ZBBX: variants seen among roughly 807,000 people sequenced by gnomAD.
The protein encoded by ZBBX is zinc finger B-box domain containing, also known as zinc finger B-box domain-containing protein 1.
Under a neutral mutation model 108.5 loss-of-function variants are expected in ZBBX, and 101 were observed. That is an observed-to-expected ratio of 0.93 (90% CI 0.79 to 1.10). ZBBX has a LOEUF of 1.10. Ranked by LOEUF, ZBBX falls within the 50% of genes least tolerant of loss-of-function variation. The pLI, the probability that ZBBX is intolerant of heterozygous loss-of-function variation, is 0.00. For missense variants in ZBBX, 1,009 were observed against 941.4 expected, an observed-to-expected ratio of 1.07 and a Z score of -0.94; for synonymous variants, 356 against 323.4, an observed-to-expected ratio of 1.10 and a Z score of -1.08.
chr3:167,357,441 G>T (rs1251446777), intron 8 of ZBBX, among the ~76,000 whole-genome samples: 1 of 152,098 alleles, frequency 6.6e-6, no homozygotes, highest in Non-Finnish European at 1.5e-5. Flanking sequence ...GATAGTAGTG[G>T]AGACCCAAGA....
At chr3:167,314,440 C>T (rs575614006) in intron 15 of ZBBX, among the ~76,000 whole-genome samples, 127 of 152,076 alleles carry the variant, frequency 8.4e-4, no homozygotes, top group African/African-American at 2.9e-3. Flanking sequence ...CTTTCAAGCT[C>T]ATTAAAATCT....
chr3:167,230,974 G>A, the ZBBX span, among the ~76,000 whole-genome samples: 1 of 151,700 alleles, frequency 6.6e-6, no homozygotes, highest in Non-Finnish European at 1.5e-5. Context: ...TAGAGTTAAC[G>A]AGACTCACTG....
the ZBBX span, among the ~76,000 whole-genome samples, chr3:167,222,646 T>TTGTA: frequency 6.6e-6 from 1 of 151,964 alleles, no homozygotes; most frequent in South Asian, 2.1e-4. Context: ...GTATTATTCA[T>TTGTA]TGTATGCCTG....
the ZBBX span, among the ~76,000 whole-genome samples, chr3:167,233,098 C>T: frequency 6.6e-6 from 1 of 151,790 alleles, no homozygotes; most frequent in African/African-American, 2.4e-5. Context: ...AAGCCTATGG[C>T]ATACCAGACC....
At chr3:167,396,550 A>C (rs1748240451) in intron 1 of ZBBX, among the ~76,000 whole-genome samples, 1 of 152,056 alleles carries the variant, frequency 6.6e-6, no homozygotes, top group Non-Finnish European at 1.5e-5. Context: ...GCTTATTTTT[A>C]AGTAGCACCA....
intron 9 of ZBBX, among the ~76,000 whole-genome samples, chr3:167,341,439 G>T (rs537551113): frequency 6.6e-6 from 1 of 151,798 alleles, no homozygotes; most frequent in East Asian, 1.9e-4. Context: ...ACATATAAAT[G>T]GAATAGCTGA....
At chr3:167,306,043 T>C (rs763350435) in intron 16 of ZBBX, 93 bp from the exon 17 acceptor site, 3 of 1,064,422 alleles carry the variant, frequency 2.8e-6, no homozygotes, top group Non-Finnish European at 3.9e-6. Context: ...GTAAAAAAAC[T>C]TTCTCAATAA....
chr3:167,402,286 A>G (rs1560217820), intron 1 of ZBBX, among the ~76,000 whole-genome samples: 1 of 152,156 alleles, frequency 6.6e-6, no homozygotes, highest in African/African-American at 2.4e-5. Flanking sequence ...AAGATATTGC[A>G]AGGAATCCCA....
At position 167,331,602 on chromosome 3, in the gene ZBBX, G is replaced by A. The variant is rs911327600; in HGVS notation, c.687+2225C>T. The stretch of plus-strand genomic sequence containing the variant: ...TAGCTGTGGCAGGGTAGAAAAAGCT[G>A]GAGGGTTGTACATTAGCTCTTAAAC... On this transcript the variant is annotated intron_variant, in intron 10 of 21. Transcript: ENST00000675490. 10 of 985,390 alleles carry A rather than the reference G, an allele frequency of 1.0e-5. No individual in the cohort carries two copies. The Admixed American group carries it at 6.1e-4, about 61-fold the overall frequency. The allele number at this position is 985,390 out of a possible 1,614,324, so 61.0% of individuals were successfully genotyped here. A position where few individuals can be genotyped will look rare whatever the true frequency, so the allele number is the denominator to read the frequency against.
the ZBBX span, among the ~76,000 whole-genome samples, chr3:167,232,331 C>T: frequency 5.9e-5 from 9 of 151,758 alleles, no homozygotes; most frequent in African/African-American, 2.2e-4. Context: ...AAACCATTTA[C>T]TCCTAGTGCA....
At chr3:167,358,030 G>T (rs770609051) in intron 8 of ZBBX, among the ~76,000 whole-genome samples, 1 of 152,108 alleles carries the variant, frequency 6.6e-6, no homozygotes, top group East Asian at 1.9e-4. Flanking sequence ...CTGTTGTTGA[G>T]AGGGGAGGGA....
the ZBBX span, among the ~76,000 whole-genome samples, chr3:167,179,626 C>T: frequency 6.6e-6 from 1 of 152,158 alleles, no homozygotes; most frequent in Non-Finnish European, 1.5e-5. Flanking sequence ...AATCAGAAAT[C>T]ACATTAATAG....
intron 21 of ZBBX, 64 bp from the exon 22 acceptor site, chr3:167,240,983 T>G (rs761205531): frequency 5.7e-6 from 9 of 1,571,434 alleles, no homozygotes; most frequent in African/African-American, 1.3e-5. Context: ...TTCATTTATC[T>G]TCTGATCAAT....
At chr3:167,320,207 T>C (rs1736194075) in intron 12 of ZBBX, among the ~76,000 whole-genome samples, 1 of 144,594 alleles carries the variant, frequency 6.9e-6, no homozygotes. Context: ...GCATCTTGAG[T>C]TCCAGAAAAA....
At chr3:167,263,046 T>C (rs1724846404) in intron 20 of ZBBX, among the ~76,000 whole-genome samples, 1 of 147,248 alleles carries the variant, frequency 6.8e-6, no homozygotes, top group Non-Finnish European at 1.5e-5. Flanking sequence ...TTTTTTTTTT[T>C]TTTTTTTTTG....
At chr3:167,367,438 C>T (rs571447094) in intron 5 of ZBBX, among the ~76,000 whole-genome samples, 2 of 151,700 alleles carry the variant, frequency 1.3e-5, no homozygotes, top group East Asian at 1.9e-4. Context: ...GCTATTATAT[C>T]CACACAAAAA....
At chr3:167,315,640 G>T (rs1157343548) in intron 15 of ZBBX, 110 bp downstream of exon 15, 1 of 731,706 alleles carries the variant, frequency 1.4e-6, no homozygotes, top group Non-Finnish European at 2.3e-6. Flanking sequence ...TGACATTAAT[G>T]TCACATGTTT....
At chr3:167,242,407 G>T in intron 21 of ZBBX, 98 bp downstream of exon 21, 1 of 1,048,528 alleles carries the variant, frequency 9.5e-7, no homozygotes, top group Non-Finnish European at 1.4e-6. Flanking sequence ...GTATACACAT[G>T]AGGACAATCT....
rs182957072 is a variant in ZBBX at position 167,354,896 on chromosome 3, A to G, written c.433-4381T>C. Among the ~76,000 whole-genome samples, 28 of 152,102 alleles carry G rather than the reference A, an allele frequency of 1.8e-4. No homozygotes were observed. In the East Asian group the frequency reaches 4.6e-3, roughly 25 times the overall value. On this transcript the variant is annotated intron_variant, in intron 8 of 21. Transcript: ENST00000675490. ...AAGATCAATGCTGGACTTGCAGAGT[A>G]AGCTTATATATTTTGTTATACAAGG...
Sources: gnomAD v4.1 joint callset for allele counts (sites outside exome capture counted in the v4.1 genomes callset) on GRCh38, gnomAD v4.1.1 for gene constraint, MANE v1.5 for transcripts, NCBI Gene and HGNC (gene_info 2026-07-23, HGNC 2026-07-21) for gene names.